Variants in ABCG2 observed in about 807,000 individuals in gnomAD.
ABCG2 encodes broad substrate specificity ATP-binding cassette transporter ABCG2.
ABCG2 carries 80 observed loss-of-function variants against 73.5 expected under a neutral mutation model. That is an observed-to-expected ratio of 1.09 (90% CI 0.91 to 1.31). ABCG2 has a LOEUF of 1.31. ABCG2 is among the 50% of genes most tolerant of loss of function. ABCG2 has a pLI of 0.00. For missense variants in ABCG2, 796 were observed against 786.2 expected, an observed-to-expected ratio of 1.01 and a Z score of -0.15; for synonymous variants, 269 against 282.4, an observed-to-expected ratio of 0.95 and a Z score of 0.48.
chr4:88,151,476 T>C (rs919098378), intron 1 of ABCG2, among the ~76,000 whole-genome samples: 5 of 152,184 alleles, frequency 3.3e-5, no homozygotes, highest in East Asian at 1.9e-4. Flanking sequence ...CAGTGGCTCA[T>C]GCCTGTAATC....
chr4:88,230,307 ATTTTT>A (rs70959615), intron 1 of ABCG2, among the ~76,000 whole-genome samples: 13 of 51,418 alleles, frequency 2.5e-4, no homozygotes, highest in East Asian at 0.014. Context: ...ATATATATAT[ATTTTT>A]TTTTTTGGCC....
At chr4:88,187,036 G>A (rs576368369) in intron 1 of ABCG2, among the ~76,000 whole-genome samples, 13 of 137,312 alleles carry the variant, frequency 9.5e-5, no homozygotes, top group Non-Finnish European at 1.7e-4. Context: ...AGAGGTTGCA[G>A]TGAACTGAGA....
chr4:88,192,860 C>G (rs1728753784), intron 1 of ABCG2, among the ~76,000 whole-genome samples: 1 of 151,878 alleles, frequency 6.6e-6, no homozygotes, highest in South Asian at 2.1e-4. Context: ...TACAAGCACC[C>G]ACCACCTTGC....
intron 1 of ABCG2, among the ~76,000 whole-genome samples, chr4:88,151,521 G>A (rs1726478315): frequency 1.3e-5 from 2 of 152,082 alleles, no homozygotes; most frequent in South Asian, 2.1e-4. Context: ...GGTGGATCAC[G>A]AGGTCAGGAG....
intron 1 of ABCG2, among the ~76,000 whole-genome samples, chr4:88,209,397 C>T (rs1223686240): frequency 2.0e-5 from 3 of 151,274 alleles, no homozygotes; most frequent in Non-Finnish European, 4.4e-5. Flanking sequence ...GATGCGGTGG[C>T]TCACACTTAT....
intron 1 of ABCG2, among the ~76,000 whole-genome samples, chr4:88,142,916 C>G (rs1233186507): frequency 1.3e-5 from 2 of 152,084 alleles, no homozygotes; most frequent in Non-Finnish European, 2.9e-5. Flanking sequence ...CCACTGCACT[C>G]TAGCCTGGGT....
chr4:88,225,961 CAGG>C (rs1730195280), intron 1 of ABCG2, among the ~76,000 whole-genome samples: 1 of 152,090 alleles, frequency 6.6e-6, no homozygotes, highest in Non-Finnish European at 1.5e-5. Flanking sequence ...TGTTCACTAC[CAGG>C]AGAACAGTAT....
intron 1 of ABCG2, among the ~76,000 whole-genome samples, chr4:88,174,831 A>C (rs528232199): frequency 6.6e-6 from 1 of 152,328 alleles, no homozygotes; most frequent in African/African-American, 2.4e-5. Flanking sequence ...GGTATTGCCT[A>C]GGTTTTCTCC....
chr4:88,148,108 C>T (rs1306087937), intron 1 of ABCG2, among the ~76,000 whole-genome samples: 2 of 152,138 alleles, frequency 1.3e-5, no homozygotes, highest in African/African-American at 2.4e-5. Flanking sequence ...ACAGCTGAAT[C>T]TTGAACAGCA....
chr4:88,159,079 G>C (rs377282230), upstream of ABCG2: 109 of 452,940 alleles, frequency 2.4e-4, 1 homozygote, highest in East Asian at 5.7e-4. Context: ...GCCCTCCCTC[G>C]GGGCTAGGGT....
intron 1 of ABCG2, among the ~76,000 whole-genome samples, chr4:88,191,756 C>T (rs11097182): frequency 0.51 from 77,643 of 151,910 alleles, 20,863 homozygotes; most frequent in East Asian, 0.99. Flanking sequence ...TATACTTATA[C>T]AATAAAAAAT....
At chr4:88,132,129 TA>T (rs1724933170) in intron 3 of ABCG2, among the ~76,000 whole-genome samples, 2 of 152,174 alleles carry the variant, frequency 1.3e-5, no homozygotes, top group African/African-American at 2.4e-5. Flanking sequence ...CATTGTACAT[TA>T]CAATAAAGCC....
intron 1 of ABCG2, among the ~76,000 whole-genome samples, chr4:88,152,586 T>A (rs957157769): frequency 6.6e-6 from 1 of 151,974 alleles, no homozygotes; most frequent in Non-Finnish European, 1.5e-5. Flanking sequence ...CACAAGGTAA[T>A]GTCATCAGTT....
At chr4:88,113,798 T>C (rs1468247890) in intron 8 of ABCG2, among the ~76,000 whole-genome samples, 1 of 150,816 alleles carries the variant, frequency 6.6e-6, no homozygotes, top group Non-Finnish European at 1.5e-5. Flanking sequence ...CTGTCTCTAC[T>C]GAAAATACAA....
intron 1 of ABCG2, among the ~76,000 whole-genome samples, chr4:88,145,849 C>T (rs1278389770): frequency 6.6e-6 from 1 of 151,164 alleles, no homozygotes; most frequent in African/African-American, 2.4e-5. Context: ...GCAGGAGAAT[C>T]GCTTGAATTC....
At chr4:88,224,699 T>A (rs964317298) in intron 1 of ABCG2, among the ~76,000 whole-genome samples, 31 of 152,336 alleles carry the variant, frequency 2.0e-4, no homozygotes, top group African/African-American at 7.0e-4. Context: ...AAATTTTTTT[T>A]AATTTTGATG....
intron 1 of ABCG2, among the ~76,000 whole-genome samples, chr4:88,174,795 T>C (rs1727892073): frequency 6.6e-6 from 1 of 152,260 alleles, no homozygotes; most frequent in Non-Finnish European, 1.5e-5. Flanking sequence ...TGTCATGAAG[T>C]CTTTGCTCAT....
rs931257757 is a variant in ABCG2 at position 88,198,944 on chromosome 4, G to GTA, written c.-20+32048_-20+32049dup. 4.6e-5 allele frequency among the ~76,000 whole-genome samples: 7 copies of GTA among 151,946 alleles called. No individual in the cohort carries two copies. The South Asian group carries it at 1.0e-3, about 23-fold the overall frequency. ...AGGAACAAAAACTATATATGTATAT[G>GTA]TATATATATGTGTGTGTGTATATAT... On this transcript the variant is annotated intron_variant, in intron 1 of 15. Coordinates refer to the ABCG2 transcript ENST00000515655.
At chr4:88,137,833 GA>G (rs1725356874) in intron 2 of ABCG2, among the ~76,000 whole-genome samples, 1 of 152,190 alleles carries the variant, frequency 6.6e-6, no homozygotes, top group Non-Finnish European at 1.5e-5. Context: ...GAACCTGAAT[GA>G]AAAGGGTTAT....
Sources: allele counts gnomAD v4.1 joint callset (sites outside exome capture counted in the v4.1 genomes callset), GRCh38; gene constraint gnomAD v4.1.1; transcripts MANE v1.5; gene names NCBI Gene and HGNC (gene_info 2026-07-23, HGNC 2026-07-21).